The following PTPRG variants were observed in gnomAD, a reference collection of about 807,000 sequenced individuals.
The protein encoded by PTPRG is receptor-type tyrosine-protein phosphatase gamma.
PTPRG carries 102 observed loss-of-function variants against 165.3 expected under a neutral mutation model. The ratio of observed to expected loss-of-function variants is 0.62; its 90% confidence interval spans 0.53 to 0.73. The LOEUF (loss-of-function observed/expected upper bound fraction) is 0.73, where lower values mean the gene tolerates loss of function less well. Among genes scored for constraint, PTPRG ranks in the 30% least tolerant of loss-of-function variants. PTPRG has a pLI of 0.00. For synonymous variants in PTPRG, 675 were observed against 669.5 expected (o/e 1.01, Z -0.13); for missense variants, 1,866 against 1,861.4 (o/e 1.00, Z -0.05).
chr3:61,993,066 C>G (rs76319905), intron 3 of PTPRG, among the ~76,000 whole-genome samples: 1,981 of 151,812 alleles, frequency 0.013, 52 homozygotes, highest in East Asian at 0.12. Flanking sequence ...CATATAAATT[C>G]AACTGAACAG....
At chr3:61,570,427 A>G (rs952511737) in intron 1 of PTPRG, among the ~76,000 whole-genome samples, 7 of 152,212 alleles carry the variant, frequency 4.6e-5, no homozygotes, top group African/African-American at 1.7e-4. Context: ...TAGTTCATGG[A>G]ATATGTAACA....
At chr3:61,931,083 C>T (rs2039350073) in intron 2 of PTPRG, among the ~76,000 whole-genome samples, 1 of 152,142 alleles carries the variant, frequency 6.6e-6, no homozygotes, top group East Asian at 1.9e-4. Context: ...GGGCCCAAAG[C>T]TCCTTCCTGC....
At chr3:61,684,272 T>C (rs74491935) in intron 1 of PTPRG, among the ~76,000 whole-genome samples, 13,895 of 152,264 alleles carry the variant, frequency 0.091, 795 homozygotes, top group East Asian at 0.19. Flanking sequence ...TCCACATCAG[T>C]ATGCTGCTGC....
intron 1 of PTPRG, among the ~76,000 whole-genome samples, chr3:61,657,165 A>C (rs1365269338): frequency 6.6e-6 from 1 of 152,124 alleles, no homozygotes; most frequent in African/African-American, 2.4e-5. Flanking sequence ...TACCGGTAAT[A>C]AACTGTGGGG....
chr3:61,867,047 C>G (rs1019712765), intron 2 of PTPRG, among the ~76,000 whole-genome samples: 1 of 152,138 alleles, frequency 6.6e-6, no homozygotes, highest in Non-Finnish European at 1.5e-5. Flanking sequence ...CCAGGAGTAG[C>G]TCTTCATCAG....
intron 4 of PTPRG, among the ~76,000 whole-genome samples, chr3:62,029,938 G>T (rs911461100): frequency 6.6e-6 from 1 of 152,026 alleles, no homozygotes; most frequent in Admixed American, 6.6e-5. Flanking sequence ...TTTCTAACTC[G>T]CATTTTCTGA....
At chr3:62,258,112 C>G (rs1159481577) in intron 16 of PTPRG, among the ~76,000 whole-genome samples, 1 of 152,098 alleles carries the variant, frequency 6.6e-6, no homozygotes, top group African/African-American at 2.4e-5. Context: ...TAGGAACCCC[C>G]CCCACTAGGA....
At chr3:61,906,322 G>C (rs937422128) in intron 2 of PTPRG, among the ~76,000 whole-genome samples, 6 of 151,744 alleles carry the variant, frequency 4.0e-5, no homozygotes, top group Admixed American at 3.9e-4. Flanking sequence ...CGGGTGTGAT[G>C]GTGTGCACCT....
chr3:62,156,370 T>C (rs1178088677), intron 6 of PTPRG, among the ~76,000 whole-genome samples: 2 of 152,210 alleles, frequency 1.3e-5, no homozygotes, highest in East Asian at 3.9e-4. Flanking sequence ...TCCTCATAGA[T>C]TAATCATATT....
At position 62,285,484 on chromosome 3, in the gene PTPRG, A is replaced by T. The variant is rs1389617348; in HGVS notation, c.4055+2615A>T. ...TGACATCTATTTGGTCTTCATAGAG[A>T]TCTTTTTAACACCTACTTTTGGGGG... On this transcript the variant is annotated intron_variant, in intron 28 of 29. Coordinates refer to ENST00000474889, the MANE Select transcript of PTPRG (RefSeq NM_002841.4). Among the ~76,000 whole-genome samples, 4 of 108,674 alleles carry T rather than the reference A, an allele frequency of 3.7e-5. No individual in the cohort carries two copies. In the Admixed American group the frequency reaches 6.0e-4, roughly 16 times the overall value. 71.3% of individuals were successfully genotyped at this position (108,674 alleles called of 152,430 possible). A position where few individuals can be genotyped will look rare whatever the true frequency, so the allele number is the denominator to read the frequency against.
rs1363132301 is a variant in PTPRG, at chr3:62,239,536, AT to A, written c.2376-4266del. On this transcript the variant is annotated intron_variant, in intron 14 of 29. Coordinates refer to ENST00000474889, the MANE Select transcript of PTPRG (RefSeq NM_002841.4). ...AGGCACGTGCCACCACACCTGCCTA[AT>A]TTTTGTATTTTTAGTATAGACGGGG... Among the ~76,000 whole-genome samples the A allele has an allele frequency of 5.9e-5, 9 of 151,358 alleles. No individual in the cohort carries two copies. In the South Asian group the frequency reaches 1.7e-3, roughly 28 times the overall value.
chr3:61,750,144 A>T (rs765516676), intron 2 of PTPRG: 1 of 152,186 alleles, frequency 6.6e-6, no homozygotes, highest in Non-Finnish European at 1.5e-5. Context: ...ATCTAATTAG[A>T]GGCTTTTTGT....
intron 14 of PTPRG, among the ~76,000 whole-genome samples, chr3:62,234,188 G>A (rs1216174841): frequency 1.3e-5 from 2 of 152,122 alleles, no homozygotes; most frequent in African/African-American, 4.8e-5. Context: ...ACAGAAGCAT[G>A]GTATTCCTTT....
chr3:61,648,272 A>G (rs1033711073), intron 1 of PTPRG, among the ~76,000 whole-genome samples: 6 of 152,342 alleles, frequency 3.9e-5, no homozygotes, highest in African/African-American at 1.4e-4. Context: ...TTTCATTCAT[A>G]AGGTCTCATG....
intron 1 of PTPRG, among the ~76,000 whole-genome samples, chr3:61,669,595 T>C (rs1318943821): frequency 3.3e-5 from 5 of 152,186 alleles, no homozygotes. Context: ...GTGCCTGCAG[T>C]GTATTGTTGA....
At chr3:62,059,990 A>G (rs1700754944) in intron 4 of PTPRG, among the ~76,000 whole-genome samples, 2 of 152,184 alleles carry the variant, frequency 1.3e-5, no homozygotes, top group Non-Finnish European at 2.9e-5. Flanking sequence ...TCCTTTATAA[A>G]TTACCAGTCT....
chr3:62,049,790 A>G (rs1473304963), intron 4 of PTPRG, among the ~76,000 whole-genome samples: 2 of 152,224 alleles, frequency 1.3e-5, no homozygotes, highest in African/African-American at 4.8e-5. Context: ...CTGTTGAGCT[A>G]CATTCTGAAG....
intron 2 of PTPRG, among the ~76,000 whole-genome samples, chr3:61,810,913 T>C (rs969678994): frequency 3.3e-5 from 5 of 151,816 alleles, no homozygotes; most frequent in African/African-American, 9.7e-5. Context: ...GAGTATCTGA[T>C]TGGCTACCTG....
chr3:61,615,986 C>G (rs113676783), intron 1 of PTPRG, among the ~76,000 whole-genome samples: 6,850 of 152,260 alleles, frequency 0.045, 210 homozygotes, highest in Middle Eastern at 0.065. Context: ...GAGTCTCGCT[C>G]TGTTCCCAGG....
Sources: gnomAD v4.1 joint callset for allele counts (sites outside exome capture counted in the v4.1 genomes callset) on GRCh38, gnomAD v4.1.1 for gene constraint, MANE v1.5 for transcripts, NCBI Gene and HGNC (gene_info 2026-07-23, HGNC 2026-07-21) for gene names.